CARS2: variants seen among roughly 807,000 people sequenced by gnomAD.
The protein encoded by CARS2 is probable cysteine--tRNA ligase, mitochondrial.
Under a neutral mutation model 68.8 loss-of-function variants are expected in CARS2, and 52 were observed. The observed-to-expected ratio is 0.76, with a 90% CI of 0.61 to 0.95. CARS2 has a LOEUF of 0.95. CARS2 is among the 40% of genes least tolerant of loss of function. The probability of loss-of-function intolerance (pLI) is 0.00; values close to 1 mark genes in which losing one functional copy is unlikely to be tolerated. For missense variants in CARS2, 780 were observed against 754.2 expected (o/e 1.03, Z -0.40); for synonymous variants, 314 against 303.6 (o/e 1.03, Z -0.36).
chr13:110,703,521 C>G (rs780897566), intron 2 of CARS2, among the ~76,000 whole-genome samples: 21 of 152,324 alleles, frequency 1.4e-4, no homozygotes, highest in Non-Finnish European at 2.2e-4. Context: ...GTATTCTTTT[C>G]TGTAGTCATA....
chr13:110,690,256 T>C (rs76157243), intron 3 of CARS2, among the ~76,000 whole-genome samples: 88 of 152,166 alleles, frequency 5.8e-4, no homozygotes, highest in African/African-American at 2.0e-3. Flanking sequence ...ATAATAAAGA[T>C]CAGCAGGTTG....
Position 110,646,054 on chromosome 13 carries a change from C to G in CARS2, c.1230G>C (p.Leu410Phe), listed in dbSNP as rs923772737. 1 of 1,613,420 alleles carries G rather than the reference C, an allele frequency of 6.2e-7. No homozygotes were observed. Among genetic ancestry groups the G allele is most frequent in the Admixed American group, 1.7e-5 (1 of 59,926 alleles). Residue 410 changes from leucine (L) to phenylalanine (F), a missense_variant, in exon 12 of 15, where the codon TTG (leucine) becomes TTC (phenylalanine). By Grantham distance (22) the Leu-to-Phe change is conservative. Coordinates refer to ENST00000257347, the MANE Select transcript of CARS2 (RefSeq NM_024537.4). ...CCCTGGGTGTGTCAAAATCATCTGCCAAGGCCGCCTTCACGGCCCTCTTGG... is the reference window on the plus strand; with the variant it reads ...CCCTGGGTGTGTCAAAATCATCTGCGAAGGCCGCCTTCACGGCCCTCTTGG... ...SSTKRAVKAA[L>F]ADDFDTPRVV...
At chr13:110,688,133 C>T (rs940638621) in intron 3 of CARS2, 115 bp from the exon 4 acceptor site, 18 of 601,096 alleles carry the variant, frequency 3.0e-5, no homozygotes, top group African/African-American at 7.3e-5. Context: ...CGGCCACCTC[C>T]GGTGCCTCGG....
chr13:110,667,369 T>C lies in CARS2; in HGVS notation c.890A>G (p.Glu297Gly). The C allele has an allele frequency of 6.2e-7, 1 of 1,613,724 alleles. No individual in the cohort carries two copies. Among genetic ancestry groups the C allele is most frequent in the Non-Finnish European group, 8.5e-7 (1 of 1,179,786 alleles). ...IAQCEVFHQC[E>G]QWGNYFLHSG... is the part of the protein sequence containing the mutation. The stretch of plus-strand genomic sequence containing the variant: ...ATGCAGAAAATAATTTCCCCACTGC[T>C]CGCACTGATGAAAGACTTCGCACTG... The change falls in exon 8 of 15, where the codon GAG (glutamate) becomes GGG (glycine). Residue 297 changes from glutamate to glycine, a missense_variant. Physicochemically the swap from Glu to Gly is moderately conservative, Grantham distance 98 (BLOSUM62 -2). Coordinates refer to ENST00000257347, the MANE Select transcript of CARS2 (RefSeq NM_024537.4).
At chr13:110,681,191 C>T (rs924557402) in intron 6 of CARS2, among the ~76,000 whole-genome samples, 2 of 152,194 alleles carry the variant, frequency 1.3e-5, no homozygotes, top group African/African-American at 4.8e-5. Context: ...AGGTGTGAGC[C>T]ACCATGCTCA....
chr13:110,642,578 C>CG, intron 13 of CARS2, 57 bp from the exon 14 acceptor site: 1 of 1,540,056 alleles, frequency 6.5e-7, no homozygotes, highest in Non-Finnish European at 9.0e-7. Flanking sequence ...TGGATGCCCC[C>CG]TCCCCACCCC....
At chr13:110,647,763 G>A (rs566079691) in intron 10 of CARS2, among the ~76,000 whole-genome samples, 114 of 152,372 alleles carry the variant, frequency 7.5e-4, no homozygotes, top group Non-Finnish European at 1.3e-3. Context: ...CCTGGATGAG[G>A]GGCCAGTGTT....
chr13:110,652,172 A>C (rs1027285908), intron 9 of CARS2, among the ~76,000 whole-genome samples: 10 of 152,262 alleles, frequency 6.6e-5, no homozygotes, highest in African/African-American at 1.9e-4. Flanking sequence ...GGTAAACCCG[A>C]TACCCTCTTC....
chr13:110,675,545 C>T (rs1235273280), intron 7 of CARS2, among the ~76,000 whole-genome samples: 1 of 152,024 alleles, frequency 6.6e-6, no homozygotes, highest in Non-Finnish European at 1.5e-5. Flanking sequence ...ACATCACACA[C>T]CAGGGCCTGT....
chr13:110,711,108 T>C (rs1266564234), upstream of CARS2, among the ~76,000 whole-genome samples: 2 of 152,256 alleles, frequency 1.3e-5, no homozygotes, highest in East Asian at 3.8e-4. Flanking sequence ...AAATTACTTA[T>C]ATGCTTTTTG....
intron 6 of CARS2, among the ~76,000 whole-genome samples, chr13:110,681,636 C>G (rs2063158991): frequency 6.6e-6 from 1 of 152,170 alleles, no homozygotes; most frequent in South Asian, 2.1e-4. Flanking sequence ...TGGATGTTTA[C>G]AGCAGCTTTA....
intron 9 of CARS2, among the ~76,000 whole-genome samples, chr13:110,661,597 T>C (rs2062504816): frequency 6.6e-6 from 1 of 152,250 alleles, no homozygotes. Flanking sequence ...ATTCACAACT[T>C]AGCTAAATAT....
intron 3 of CARS2, among the ~76,000 whole-genome samples, chr13:110,692,023 TAC>T (rs1271674338): frequency 0.057 from 3,792 of 65,958 alleles, 168 homozygotes; most frequent in African/African-American, 0.14. Flanking sequence ...TATATATATA[TAC>T]ACACACACAC....
rs773231493 is a variant in CARS2 at position 110,651,040 on chromosome 13, G to A, written c.1048C>T (p.Arg350Cys). 40 of 1,612,658 alleles carry A rather than the reference G, an allele frequency of 2.5e-5. No homozygotes were observed. Among genetic ancestry groups the A allele is most frequent in the East Asian group, 4.5e-5 (2 of 44,882 alleles). The change falls in exon 10 of 15, where the codon CGC becomes TGC. Residue 350 changes from arginine to cysteine, a missense_variant. Physicochemically the swap from Arg to Cys is radical, Grantham distance 180 (BLOSUM62 -3). Transcript: ENST00000257347. ...CCACGTGTGCTCGGCTCACCTGAGC[G>A]GTAGCTGCTCCGCAGGCAGAAGAAC... ...FRFFCLRSSY[R>C]SAIDYSDSAM...
intron 7 of CARS2, among the ~76,000 whole-genome samples, chr13:110,673,929 G>A (rs1273378106): frequency 1.3e-5 from 2 of 151,916 alleles, no homozygotes; most frequent in African/African-American, 4.8e-5. Context: ...AACAGACAGG[G>A]AGCCAAATCA....
At chr13:110,642,646 C>A in intron 13 of CARS2, 125 bp from the exon 14 acceptor site, 1 of 942,140 alleles carries the variant, frequency 1.1e-6, no homozygotes. Flanking sequence ...TTCCCTGCAG[C>A]TGGGCCTCTT....
chr13:110,712,418 G>A (rs1254635560), intron 1 of CARS2: 2 of 185,060 alleles, frequency 1.1e-5, no homozygotes, highest in African/African-American at 2.4e-5. Flanking sequence ...GACCCGCGGC[G>A]GCCGCAGCGG....
At chr13:110,674,330 C>T (rs1313933331) in intron 7 of CARS2, among the ~76,000 whole-genome samples, 2 of 151,836 alleles carry the variant, frequency 1.3e-5, no homozygotes, top group East Asian at 3.9e-4. Flanking sequence ...TACAAGGCTA[C>T]AGTAACCAAA....
chr13:110,655,851 T>C (rs1444461603), intron 9 of CARS2, among the ~76,000 whole-genome samples: 1 of 152,226 alleles, frequency 6.6e-6, no homozygotes, highest in Non-Finnish European at 1.5e-5. Flanking sequence ...TGTATTGGCC[T>C]ATCGTGTGTA....
Sources: gnomAD v4.1 joint callset for allele counts (sites outside exome capture counted in the v4.1 genomes callset) on GRCh38, gnomAD v4.1.1 for gene constraint, MANE v1.5 for transcripts, NCBI Gene and HGNC (gene_info 2026-07-23, HGNC 2026-07-21) for gene names.